Variants in ZNF362 observed in about 807,000 individuals in gnomAD.
ZNF362 encodes the protein rotund homolog.
A neutral mutation model predicts 42.9 loss-of-function variants in ZNF362; 11 were observed. The observed-to-expected ratio is 0.26, with a 90% confidence interval of 0.16 to 0.42. The LOEUF (loss-of-function observed/expected upper bound fraction) is 0.42, where lower values mean the gene tolerates loss of function less well. ZNF362 is among the 20% of genes least tolerant of loss of function. ZNF362 has a pLI of 1.00. For synonymous variants in ZNF362, 255 were observed against 257.3 expected, an observed-to-expected ratio of 0.99 and a Z score of 0.09; for missense variants, 362 against 576.2, an observed-to-expected ratio of 0.63 and a Z score of 3.81.
chr1:33,292,809 G>C (rs1051062399), intron 6 of ZNF362, among the ~76,000 whole-genome samples: 1 of 152,198 alleles, frequency 6.6e-6, no homozygotes, highest in East Asian at 1.9e-4. Flanking sequence ...GAGAGAATGA[G>C]GATGGGATGA....
the ZNF362 span, among the ~76,000 whole-genome samples, chr1:33,180,399 AC>A: frequency 6.6e-6 from 1 of 151,944 alleles, no homozygotes; most frequent in East Asian, 1.9e-4. Flanking sequence ...AACCCCTCAT[AC>A]ACCTTGGCCT....
the ZNF362 span, among the ~76,000 whole-genome samples, chr1:33,140,092 GGGGGTCCCTAAGAGGAAAGAGGGGAGAGA>G: frequency 6.6e-6 from 1 of 152,118 alleles, no homozygotes; most frequent in Non-Finnish European, 1.5e-5. The surrounding 1 kb of genome is among the most constrained non-coding windows in gnomAD (Gnocchi z 4.0). Context: ...TGTGGCAGAG[GGGGGTCCCTAAGAGGAAAGAGGGGAGAGA>G]GGGGTACCAA....
At chr1:33,176,778 G>A in the ZNF362 span, among the ~76,000 whole-genome samples, 2 of 152,202 alleles carry the variant, frequency 1.3e-5, no homozygotes, top group African/African-American at 4.8e-5. Flanking sequence ...GACCAAATGA[G>A]TCACTTAATT....
At chr1:33,286,979 T>G (rs1646037472) in intron 6 of ZNF362, among the ~76,000 whole-genome samples, 1 of 152,042 alleles carries the variant, frequency 6.6e-6, no homozygotes, top group Admixed American at 6.6e-5. Flanking sequence ...AGGTTGTGCT[T>G]GGGAGCATGG....
intron 1 of ZNF362, among the ~76,000 whole-genome samples, chr1:33,262,851 A>T (rs950313006): frequency 5.3e-5 from 8 of 152,210 alleles, no homozygotes; most frequent in African/African-American, 1.9e-4. Flanking sequence ...GATCCCTAGG[A>T]GCCAGGAGTT....
chr1:33,176,552 G>C, the ZNF362 span: 1 of 603,568 alleles, frequency 1.7e-6, no homozygotes, highest in East Asian at 2.8e-5. Context: ...AACCTGAGAC[G>C]GCCAGAGAGC....
chr1:33,136,921 C>T, the ZNF362 span, among the ~76,000 whole-genome samples: 4 of 151,336 alleles, frequency 2.6e-5, no homozygotes, highest in African/African-American at 9.7e-5. Flanking sequence ...TGCTTGAACC[C>T]AGGAGGCAGA....
At chr1:33,160,437 T>G in the ZNF362 span, among the ~76,000 whole-genome samples, 4 of 151,990 alleles carry the variant, frequency 2.6e-5, no homozygotes, top group South Asian at 2.1e-4. Flanking sequence ...GGAGTTTTGC[T>G]CCTGTCACCC....
intron 6 of ZNF362, among the ~76,000 whole-genome samples, chr1:33,292,900 C>T (rs1557799654): frequency 6.6e-6 from 1 of 152,198 alleles, no homozygotes; most frequent in Non-Finnish European, 1.5e-5. Flanking sequence ...GTGCAGCAGC[C>T]TGGGATGGGA....
At position 33,276,415 on chromosome 1, in the gene ZNF362, ACCTGCCG is replaced by A; in HGVS notation, c.173_179del (p.Leu58ProfsTer11). 6.3e-7 allele frequency: 1 copy of A among 1,581,876 alleles called. No individual in the cohort carries two copies. The highest frequency in any genetic ancestry group is 8.6e-7 in the Non-Finnish European group (1 of 1,165,026). On this transcript the variant is annotated frameshift_variant, in exon 4 of 9. Transcript: ENST00000539719. LOFTEE classifies it high-confidence loss of function. ...ATGGCCGAGAAGATCAGGCCGCCTC[ACCTGCCG>A]CCCACGTCGGCCTCGTCGCAGCAGC...
chr1:33,289,831 A>G (rs989728743), intron 6 of ZNF362, among the ~76,000 whole-genome samples: 21 of 152,154 alleles, frequency 1.4e-4, no homozygotes, highest in Admixed American at 3.3e-4. Flanking sequence ...GAAAATAAGT[A>G]CCCATGCAGA....
At chr1:33,228,598 T>G in the ZNF362 span, among the ~76,000 whole-genome samples, 1 of 152,186 alleles carries the variant, frequency 6.6e-6, no homozygotes, top group Non-Finnish European at 1.5e-5. Context: ...GGACTCACCC[T>G]TGACTCCTCT....
At chr1:33,175,001 G>GTATGTATATGTATATGTA in the ZNF362 span, among the ~76,000 whole-genome samples, 21 of 135,668 alleles carry the variant, frequency 1.5e-4, no homozygotes, top group African/African-American at 5.5e-4. Flanking sequence ...ACACACACAT[G>GTATGTATATGTATATGTA]TATGTATATG....
chr1:33,270,711 G>C, intron 2 of ZNF362, 99 bp downstream of exon 2: 5 of 1,549,280 alleles, frequency 3.2e-6, no homozygotes, highest in Non-Finnish European at 4.4e-6. Context: ...GAGTGCCCCC[G>C]CTGCTACCCT....
intron 6 of ZNF362, among the ~76,000 whole-genome samples, chr1:33,285,684 A>T (rs1220148748): frequency 6.6e-6 from 1 of 152,240 alleles, no homozygotes; most frequent in Non-Finnish European, 1.5e-5. Flanking sequence ...AGGGAGGTTG[A>T]GTTTCTCTTT....
the ZNF362 span, among the ~76,000 whole-genome samples, chr1:33,220,109 T>A: frequency 6.6e-6 from 1 of 151,934 alleles, no homozygotes; most frequent in African/African-American, 2.4e-5. Context: ...AGGTGAGTGC[T>A]GGGCCCAGGC....
At chr1:33,245,023 C>A in the ZNF362 span, among the ~76,000 whole-genome samples, 2 of 152,158 alleles carry the variant, frequency 1.3e-5, no homozygotes, top group Non-Finnish European at 2.9e-5. Context: ...AGGGTCTAGT[C>A]TGGGTGAACT....
chr1:33,223,068 T>C, the ZNF362 span, among the ~76,000 whole-genome samples: 1 of 152,000 alleles, frequency 6.6e-6, no homozygotes, highest in Non-Finnish European at 1.5e-5. Flanking sequence ...CTGGACAACA[T>C]GGTGAAACCC....
At chr1:33,260,367 A>G (rs1159316274) in intron 1 of ZNF362, among the ~76,000 whole-genome samples, 3 of 152,184 alleles carry the variant, frequency 2.0e-5, no homozygotes, top group African/African-American at 7.2e-5. Context: ...CCTTGAATTT[A>G]CAAAGCCTGG....
Sources: allele counts gnomAD v4.1 joint callset (sites outside exome capture counted in the v4.1 genomes callset), GRCh38; gene constraint gnomAD v4.1.1; non-coding constraint Gnocchi (gnomAD v3.1); transcripts MANE v1.5; gene names NCBI Gene and HGNC (gene_info 2026-07-23, HGNC 2026-07-21).